ITPR2: variants seen among roughly 807,000 people sequenced by gnomAD.
The protein encoded by ITPR2 is inositol 1,4,5-trisphosphate-gated calcium channel ITPR2.
A neutral mutation model predicts 317.1 loss-of-function variants in ITPR2; 207 were observed. The ratio of observed to expected loss-of-function variants is 0.65; its 90% CI spans 0.58 to 0.73. The LOEUF (loss-of-function observed/expected upper bound fraction) is 0.73. Ranked by LOEUF, ITPR2 falls within the 30% of genes least tolerant of loss-of-function variation. The pLI is 0.00. For synonymous variants in ITPR2, 1,156 were observed against 1,149.1 expected (o/e 1.01, Z -0.12); for missense variants, 2,613 against 3,284.0 (o/e 0.80, Z 4.99).
At chr12:26,608,014 G>T (rs528083955) in intron 26 of ITPR2, among the ~76,000 whole-genome samples, 2 of 152,162 alleles carry the variant, frequency 1.3e-5, no homozygotes, top group Non-Finnish European at 2.9e-5. Context: ...CCGGCTACTC[G>T]GGAGGCTGAG....
chr12:26,641,691 T>C (rs948323600), intron 21 of ITPR2, among the ~76,000 whole-genome samples: 2 of 152,204 alleles, frequency 1.3e-5, no homozygotes, highest in Admixed American at 6.5e-5. Context: ...TACCTTTACA[T>C]AGAAATCCCT....
At chr12:26,540,074 G>A (rs1165672564) in intron 37 of ITPR2, among the ~76,000 whole-genome samples, 3 of 152,110 alleles carry the variant, frequency 2.0e-5, no homozygotes, top group Non-Finnish European at 2.9e-5. Flanking sequence ...TGGAGGGTGG[G>A]CTGGAACTGG....
At chr12:26,712,486 T>C (rs935351483) in intron 8 of ITPR2, among the ~76,000 whole-genome samples, 4 of 152,330 alleles carry the variant, frequency 2.6e-5, no homozygotes, top group African/African-American at 9.6e-5. Flanking sequence ...AGCCCACCTA[T>C]CCTTCAAATT....
chr12:26,468,568 G>GAA (rs5797177), intron 45 of ITPR2, among the ~76,000 whole-genome samples: 9,283 of 139,766 alleles, frequency 0.066, 371 homozygotes, highest in Middle Eastern at 0.13. Context: ...TATAGAAACA[G>GAA]AAAAAAAAAA....
At chr12:26,654,199 A>C in intron 20 of ITPR2, 73 bp from the exon 21 acceptor site, 4 of 1,230,014 alleles carry the variant, frequency 3.3e-6, no homozygotes, top group Non-Finnish European at 4.5e-6. Context: ...TGAAATAAAC[A>C]TTGGCTTTTT....
chr12:26,702,503 A>G (rs777573416), intron 9 of ITPR2, among the ~76,000 whole-genome samples: 2 of 146,642 alleles, frequency 1.4e-5, no homozygotes, highest in Non-Finnish European at 3.0e-5. Flanking sequence ...CAGTGGTGCG[A>G]TCTCGGCTCA....
chr12:26,339,753 A>T (rs1258295439), intron 56 of ITPR2, among the ~76,000 whole-genome samples: 1 of 152,212 alleles, frequency 6.6e-6, no homozygotes, highest in Non-Finnish European at 1.5e-5. Flanking sequence ...AGTCATTTTA[A>T]TAGCTACCAT....
chr12:26,562,076 T>C, intron 34 of ITPR2, 124 bp from the exon 35 acceptor site: 1 of 652,464 alleles, frequency 1.5e-6, no homozygotes, highest in Non-Finnish European at 2.3e-6. Context: ...CATTAACTTG[T>C]TTTATATAAC....
intron 2 of ITPR2, among the ~76,000 whole-genome samples, chr12:26,782,050 A>AGT (rs1950104507): frequency 3.8e-4 from 29 of 76,584 alleles, no homozygotes; most frequent in African/African-American, 1.3e-3. Flanking sequence ...AGAGAGAGAG[A>AGT]GAGAGAGAGA....
At chr12:26,541,455 G>A (rs912695801) in intron 37 of ITPR2, among the ~76,000 whole-genome samples, 14 of 152,056 alleles carry the variant, frequency 9.2e-5, no homozygotes, top group African/African-American at 3.1e-4. Context: ...CAAAACAAAT[G>A]TACTCACCTC....
At chr12:26,719,676 A>T (rs537218617) in intron 5 of ITPR2, among the ~76,000 whole-genome samples, 2 of 152,162 alleles carry the variant, frequency 1.3e-5, no homozygotes, top group African/African-American at 4.8e-5. Context: ...ATATGTATAC[A>T]TGTGTCATGT....
intron 52 of ITPR2, among the ~76,000 whole-genome samples, chr12:26,408,390 T>C (rs980228523): frequency 5.3e-5 from 8 of 152,234 alleles, no homozygotes; most frequent in Non-Finnish European, 1.0e-4. Flanking sequence ...AAGATCAAAA[T>C]GTCACAATAG....
intron 30 of ITPR2, among the ~76,000 whole-genome samples, chr12:26,597,625 A>T (rs1945880398): frequency 6.6e-6 from 1 of 152,240 alleles, no homozygotes; most frequent in South Asian, 2.1e-4. Flanking sequence ...AGGCATCAGC[A>T]GAGAATGAAG....
intron 55 of ITPR2, among the ~76,000 whole-genome samples, chr12:26,363,421 A>C (rs1938902441): frequency 1.3e-5 from 2 of 152,196 alleles, no homozygotes; most frequent in Admixed American, 1.3e-4. Context: ...AATGTAATGC[A>C]CTTGAATCAT....
intron 26 of ITPR2, among the ~76,000 whole-genome samples, chr12:26,619,625 C>G (rs1219642115): frequency 6.6e-6 from 1 of 152,004 alleles, no homozygotes; most frequent in African/African-American, 2.4e-5. Context: ...GATGTGATAT[C>G]TAGAATGCTA....
At chr12:26,639,436 G>A (rs1031948023) in intron 21 of ITPR2, among the ~76,000 whole-genome samples, 6 of 151,964 alleles carry the variant, frequency 3.9e-5, no homozygotes, top group Non-Finnish European at 7.4e-5. Context: ...ATATTATATA[G>A]ATAATTTATA....
chr12:26,418,418 G>A (rs770500714), intron 50 of ITPR2, among the ~76,000 whole-genome samples: 1 of 151,982 alleles, frequency 6.6e-6, no homozygotes, highest in Non-Finnish European at 1.5e-5. Flanking sequence ...CTGGTTTATG[G>A]CTATAAACCA....
chr12:26,633,827 T>C (rs758781684), intron 21 of ITPR2, among the ~76,000 whole-genome samples: 16 of 152,212 alleles, frequency 1.1e-4, no homozygotes, highest in Non-Finnish European at 1.8e-4. Context: ...TCACTACTAA[T>C]ACAGAACAGG....
chr12:26,615,133 A>G (rs926859728), intron 26 of ITPR2, among the ~76,000 whole-genome samples: 2 of 152,228 alleles, frequency 1.3e-5, no homozygotes, highest in Non-Finnish European at 2.9e-5. Context: ...ATTTGAAAAA[A>G]GATATGAGCG....
Sources: allele counts gnomAD v4.1 joint callset (sites outside exome capture counted in the v4.1 genomes callset), GRCh38; gene constraint gnomAD v4.1.1; transcripts MANE v1.5; gene names NCBI Gene and HGNC (gene_info 2026-07-23, HGNC 2026-07-21).